Variants in KIF4A observed in about 807,000 individuals in gnomAD.
KIF4A encodes chromosome-associated kinesin KIF4A.
A neutral mutation model predicts 105.9 loss-of-function variants in KIF4A; 7 were observed. That is an observed-to-expected ratio of 0.07 (90% CI 0.04 to 0.12). KIF4A has a LOEUF of 0.12. Ranked by LOEUF, KIF4A falls within the 10% of genes least tolerant of loss-of-function variation. The pLI is 1.00. For synonymous variants in KIF4A, 281 were observed against 331.3 expected (o/e 0.85, Z 1.65); for missense variants, 558 against 929.2 (o/e 0.60, Z 5.19).
chrX:70,336,621 AT>A (rs1177860741), intron 10 of KIF4A, among the ~76,000 whole-genome samples: 4 of 110,495 alleles, frequency 3.6e-5, no homozygotes, highest in African/African-American at 1.3e-4. Context: ...GAATTTGAGC[AT>A]TTTTTCATAT....
At chrX:70,334,619 A>G (rs1195940657) in intron 10 of KIF4A, among the ~76,000 whole-genome samples, 1 of 112,403 alleles carries the variant, frequency 8.9e-6, no homozygotes. Flanking sequence ...AGTTCTTTTT[A>G]TCTTTAGGCA....
intron 28 of KIF4A, among the ~76,000 whole-genome samples, chrX:70,413,920 C>T (rs1346975794): frequency 9.0e-6 from 1 of 110,687 alleles, no homozygotes; most frequent in Non-Finnish European, 1.9e-5. Flanking sequence ...AAATGTAAGA[C>T]CTCAGGGCAG....
intron 7 of KIF4A, among the ~76,000 whole-genome samples, chrX:70,327,710 G>A (rs2085915816): frequency 8.9e-6 from 1 of 111,863 alleles, no homozygotes; most frequent in Admixed American, 9.5e-5. Flanking sequence ...AAGAAAAGAT[G>A]ATCAATTGAC....
intron 10 of KIF4A, among the ~76,000 whole-genome samples, chrX:70,337,988 C>T (rs1474025752): frequency 9.0e-6 from 1 of 111,234 alleles, no homozygotes; most frequent in Non-Finnish European, 1.9e-5. Flanking sequence ...TTTATATATT[C>T]GTGATATTAG....
intron 22 of KIF4A, among the ~76,000 whole-genome samples, chrX:70,396,753 C>G (rs2086260999): frequency 1.8e-5 from 2 of 112,210 alleles, no homozygotes; most frequent in Admixed American, 9.5e-5. Context: ...TAGTAAAGTG[C>G]ATAACAGTAC....
intron 25 of KIF4A, among the ~76,000 whole-genome samples, chrX:70,405,508 C>T (rs1245764310): frequency 1.8e-5 from 2 of 111,215 alleles, no homozygotes; most frequent in South Asian, 3.8e-4. Flanking sequence ...TAAGTTTCTG[C>T]GGGTTTCTTA....
At chrX:70,331,588 A>C (rs2085930826) in intron 9 of KIF4A, among the ~76,000 whole-genome samples, 1 of 109,342 alleles carries the variant, frequency 9.1e-6, no homozygotes. Flanking sequence ...TGTTGGAAAA[A>C]TGGTGCCAAT....
intron 7 of KIF4A, among the ~76,000 whole-genome samples, chrX:70,324,786 T>C (rs1222205873): frequency 3.6e-5 from 4 of 111,769 alleles, no homozygotes; most frequent in Non-Finnish European, 1.9e-5. Context: ...GTAATACTTA[T>C]ATTTATTTTT....
intron 26 of KIF4A, 103 bp downstream of exon 26, chrX:70,406,008 A>G: frequency 1.6e-6 from 1 of 634,498 alleles, no homozygotes; most frequent in Non-Finnish European, 2.6e-6. Flanking sequence ...GCTTTATTTC[A>G]TGAGGTCTAC....
chrX:70,360,165 C>A lies in KIF4A; in HGVS notation c.1674+6358C>A, dbSNP rs752637400. Among the ~76,000 whole-genome samples the A allele has an allele frequency of 5.3e-5, 6 of 112,262 alleles. No homozygotes were observed. The East Asian group carries it at 1.4e-3, about 26-fold the overall frequency. On this transcript the variant is annotated intron_variant, in intron 15 of 30. Transcript: ENST00000374403. ...AGGCCTGGGGCACGCGGTTTTCACACACACACTCCTAGCTGATTTCTTTTT... is the reference window on the plus strand; with the variant it reads ...AGGCCTGGGGCACGCGGTTTTCACAAACACACTCCTAGCTGATTTCTTTTT...
At chrX:70,397,880 CAT>C (rs2086266147) in intron 22 of KIF4A, among the ~76,000 whole-genome samples, 1 of 111,977 alleles carries the variant, frequency 8.9e-6, no homozygotes, top group Non-Finnish European at 1.9e-5. Context: ...GAAATAGTAT[CAT>C]TACTCACACT....
chrX:70,362,356 C>A, intron 15 of KIF4A: 1 of 275,563 alleles, frequency 3.6e-6, no homozygotes. Context: ...TTGGTGATCA[C>A]CGGGATGCAT....
rs747877463 is a variant in KIF4A at position 70,302,294 on chromosome X, A to T, written c.684-10A>T. On this transcript the variant is annotated splice_polypyrimidine_tract_variant and intron_variant, in intron 6 of 30. Transcript: ENST00000374403. The stretch of plus-strand genomic sequence containing the variant: ...ACCATTCTCACTGTGTCTTCCTTTC[A>T]TTATCACAGGAATAGCAGCTTTCGC... 1 of 1,209,140 alleles carries T rather than the reference A, an allele frequency of 8.3e-7. No homozygotes were observed. The highest frequency in any genetic ancestry group is 3.0e-5 in the East Asian group (1 of 33,829).
At chrX:70,376,065 A>G in intron 17 of KIF4A, 35 bp from the exon 18 acceptor site, 1 of 996,149 alleles carries the variant, frequency 1.0e-6, no homozygotes, top group Non-Finnish European at 1.4e-6. Context: ...TAAACTGCAG[A>G]TGACTAATAC....
chrX:70,327,498 C>T (rs1344129891), intron 7 of KIF4A, among the ~76,000 whole-genome samples: 3 of 109,483 alleles, frequency 2.7e-5, no homozygotes, highest in African/African-American at 1.0e-4. Flanking sequence ...TAAGTAATAG[C>T]AAAAGAATGA....
intron 7 of KIF4A, among the ~76,000 whole-genome samples, chrX:70,307,534 G>A (rs187971944): frequency 1.5e-3 from 163 of 111,888 alleles, no homozygotes; most frequent in African/African-American, 5.2e-3. Flanking sequence ...TTTTGTTCCT[G>A]ATCTTAAGGG....
At chrX:70,356,315 C>A (rs2086051117) in intron 15 of KIF4A, among the ~76,000 whole-genome samples, 1 of 107,897 alleles carries the variant, frequency 9.3e-6, no homozygotes, top group Non-Finnish European at 1.9e-5. Flanking sequence ...GTGCTCACAC[C>A]TGTAATCCTA....
chrX:70,389,928 G>A (rs1039573666), intron 20 of KIF4A, among the ~76,000 whole-genome samples: 10 of 112,158 alleles, frequency 8.9e-5, no homozygotes, highest in Non-Finnish European at 1.3e-4. Context: ...CTGGGAGTTG[G>A]ATTAAGATTG....
chrX:70,402,608 A>G lies in KIF4A; in HGVS notation c.2532A>G (p.Ala844=). 1 of 1,211,906 alleles carries G rather than the reference A, an allele frequency of 8.3e-7. No homozygotes were observed. Among genetic ancestry groups the G allele is most frequent in the Non-Finnish European group, 1.1e-6 (1 of 895,468 alleles). The change falls in exon 23 of 31, where the codon GCA becomes GCG. Residue 844 remains alanine, a synonymous_variant. Coordinates refer to ENST00000374403, the MANE Select transcript of KIF4A (RefSeq NM_012310.5). ...IADLQQKLLD[A]ESEDRPKQRW... ...ACCTACAGCAGAAGCTGCTGGATGCAGAAAGTGAAGACAGACCAAAACAAC... is the reference window on the plus strand; with the variant it reads ...ACCTACAGCAGAAGCTGCTGGATGCGGAAAGTGAAGACAGACCAAAACAAC...
Sources: allele counts gnomAD v4.1 joint callset (sites outside exome capture counted in the v4.1 genomes callset), GRCh38; gene constraint gnomAD v4.1.1; transcripts MANE v1.5; gene names NCBI Gene and HGNC (gene_info 2026-07-23, HGNC 2026-07-21).